WARS2: variants seen among roughly 807,000 people sequenced by gnomAD.
WARS2 encodes the protein tryptophanyl tRNA synthetase 2, mitochondrial.
Under a neutral mutation model 36.5 loss-of-function variants are expected in WARS2, and 28 were observed. The ratio of observed to expected loss-of-function variants is 0.77; its 90% confidence interval spans 0.57 to 1.05. The LOEUF (loss-of-function observed/expected upper bound fraction) is 1.05. Ranked by LOEUF, WARS2 falls within the 50% of genes least tolerant of loss-of-function variation. WARS2 has a pLI of 0.00. For missense variants in WARS2, 435 were observed against 456.8 expected, an observed-to-expected ratio of 0.95 and a Z score of 0.44; for synonymous variants, 174 against 178.4, an observed-to-expected ratio of 0.98 and a Z score of 0.20.
At chr1:119,086,176 A>G (rs587719148) in intron 1 of WARS2, among the ~76,000 whole-genome samples, 62 of 152,236 alleles carry the variant, frequency 4.1e-4, no homozygotes, top group African/African-American at 1.5e-3. Context: ...AGAAAATTCT[A>G]ACATTGATTT....
At chr1:119,049,836 A>G (rs1047243979) in intron 2 of WARS2, among the ~76,000 whole-genome samples, 3 of 152,086 alleles carry the variant, frequency 2.0e-5, no homozygotes, top group Admixed American at 2.0e-4. Flanking sequence ...CACCACATCT[A>G]CTGCTAGCAC....
At chr1:119,036,815 A>T (rs867179296) in intron 4 of WARS2, among the ~76,000 whole-genome samples, 7 of 152,202 alleles carry the variant, frequency 4.6e-5, no homozygotes, top group African/African-American at 1.2e-4. Flanking sequence ...GATTTAAAAA[A>T]TTTTAATCTT....
chr1:119,073,870 T>C (rs1651515567), intron 2 of WARS2, among the ~76,000 whole-genome samples: 1 of 152,218 alleles, frequency 6.6e-6, no homozygotes, highest in Non-Finnish European at 1.5e-5. Flanking sequence ...AAAATTATAC[T>C]ATGGTAATCA....
chr1:119,083,768 A>G (rs587649922), intron 1 of WARS2, among the ~76,000 whole-genome samples: 191 of 152,324 alleles, frequency 1.3e-3, no homozygotes, highest in African/African-American at 4.4e-3. Flanking sequence ...GCTTAAAACT[A>G]AATTAACAAT....
At chr1:119,055,623 T>C (rs757428978) in intron 2 of WARS2, among the ~76,000 whole-genome samples, 33 of 149,272 alleles carry the variant, frequency 2.2e-4, no homozygotes, top group African/African-American at 7.7e-4. Flanking sequence ...GCCTCAGCAA[T>C]AGAGGGATAG....
chr1:119,126,647 C>T (rs1284254242), intron 1 of WARS2: 12 of 712,344 alleles, frequency 1.7e-5, no homozygotes, highest in Admixed American at 3.6e-5. Context: ...CACGAAGCTC[C>T]ATAAGTTTTC....
At chr1:119,033,994 A>G in intron 5 of WARS2, 101 bp downstream of exon 5, 1 of 978,056 alleles carries the variant, frequency 1.0e-6, no homozygotes. Context: ...CCTGTCTACA[A>G]GAAAGCTGAG....
chr1:119,101,341 T>C (rs1176614130), intron 1 of WARS2, among the ~76,000 whole-genome samples: 1 of 152,048 alleles, frequency 6.6e-6, no homozygotes, highest in African/African-American at 2.4e-5. Flanking sequence ...ATAAAAACAA[T>C]ATAAGAGTCA....
At chr1:119,065,702 T>A (rs765643113) in intron 2 of WARS2, among the ~76,000 whole-genome samples, 23 of 150,484 alleles carry the variant, frequency 1.5e-4, no homozygotes, top group Middle Eastern at 3.4e-3. Context: ...CAAAAGTATA[T>A]CCTCTAAATG....
At chr1:119,136,897 G>A (rs1172218042) in intron 1 of WARS2, among the ~76,000 whole-genome samples, 1 of 152,124 alleles carries the variant, frequency 6.6e-6, no homozygotes, top group Non-Finnish European at 1.5e-5. Flanking sequence ...ATATCTCTTC[G>A]TGGTATTCTT....
At chr1:119,054,276 A>T (rs1649597021) in intron 2 of WARS2, among the ~76,000 whole-genome samples, 1 of 152,016 alleles carries the variant, frequency 6.6e-6, no homozygotes, top group Non-Finnish European at 1.5e-5. Context: ...ACAAATGGCC[A>T]ACAAACATAT....
At chr1:119,115,780 TCTAATCAC>T (rs1379037762) in intron 1 of WARS2, among the ~76,000 whole-genome samples, 1 of 152,238 alleles carries the variant, frequency 6.6e-6, no homozygotes, top group Non-Finnish European at 1.5e-5. Flanking sequence ...TCTGATGAGT[TCTAATCAC>T]TGACACCCAT....
intron 1 of WARS2, among the ~76,000 whole-genome samples, chr1:119,120,765 A>G (rs1028822214): frequency 6.6e-6 from 1 of 152,172 alleles, no homozygotes; most frequent in African/African-American, 2.4e-5. Flanking sequence ...GTAATGATAT[A>G]CCACACAAAC....
chr1:119,098,433 A>C (rs1206722927), intron 1 of WARS2, among the ~76,000 whole-genome samples: 1 of 152,026 alleles, frequency 6.6e-6, no homozygotes, highest in Non-Finnish European at 1.5e-5. Context: ...TATTTATTTT[A>C]TTTTATTACT....
chr1:119,134,210 G>A (rs1429456376), intron 1 of WARS2, among the ~76,000 whole-genome samples: 1 of 146,698 alleles, frequency 6.8e-6, no homozygotes, highest in Non-Finnish European at 1.5e-5. Flanking sequence ...CTTGCATGCT[G>A]TTTGGTGCAT....
chr1:119,098,963 C>T (rs959370506), intron 1 of WARS2, among the ~76,000 whole-genome samples: 12 of 151,892 alleles, frequency 7.9e-5, no homozygotes, highest in African/African-American at 2.9e-4. Context: ...TCTTGAAGTC[C>T]TGACCTCAGG....
At chr1:119,058,266 T>C (rs1406237478) in intron 2 of WARS2, among the ~76,000 whole-genome samples, 1 of 151,972 alleles carries the variant, frequency 6.6e-6, no homozygotes, top group Non-Finnish European at 1.5e-5. Context: ...TTGAAAATAT[T>C]TGACCATATA....
intron 1 of WARS2, among the ~76,000 whole-genome samples, chr1:119,099,382 A>G (rs1157088763): frequency 1.3e-5 from 2 of 152,242 alleles, no homozygotes; most frequent in Non-Finnish European, 2.9e-5. Flanking sequence ...GAATCTCAAA[A>G]TCAATATCAG....
At chr1:119,139,754 C>G (rs193234350) in intron 1 of WARS2, 1 of 152,126 alleles carries the variant, frequency 6.6e-6, no homozygotes, top group African/African-American at 2.4e-5. Context: ...ATATATCTCC[C>G]GTAGATAAAG....
Sources: allele counts gnomAD v4.1 joint callset (sites outside exome capture counted in the v4.1 genomes callset), GRCh38; gene constraint gnomAD v4.1.1; transcripts MANE v1.5; gene names NCBI Gene and HGNC (gene_info 2026-07-23, HGNC 2026-07-21).